Variants in TUSC3 observed in about 807,000 individuals in gnomAD.
The protein encoded by TUSC3 is dolichyl-diphosphooligosaccharide--protein glycosyltransferase subunit TUSC3.
TUSC3 carries 45 observed loss-of-function variants against 44.8 expected under a neutral mutation model. The observed-to-expected ratio is 1.00, with a 90% CI of 0.79 to 1.29. The LOEUF is 1.29. Ranked by LOEUF, TUSC3 falls within the 50% of genes most tolerant of loss-of-function variation. The pLI, the probability that TUSC3 is intolerant of heterozygous loss-of-function variation, is 0.00. For synonymous variants in TUSC3, 212 were observed against 152.9 expected (o/e 1.39, Z -2.85); for missense variants, 519 against 437.9 (o/e 1.19, Z -1.65).
At chr8:15,780,317 A>G in the TUSC3 span, among the ~76,000 whole-genome samples, 994 of 152,262 alleles carry the variant, frequency 6.5e-3, 9 homozygotes, top group African/African-American at 0.023. Flanking sequence ...CCTAACATAC[A>G]GCTGTTCCCT....
At chr8:15,496,242 C>G (rs997295443) in intron 2 of TUSC3, among the ~76,000 whole-genome samples, 1 of 152,186 alleles carries the variant, frequency 6.6e-6, no homozygotes, top group African/African-American at 2.4e-5. Flanking sequence ...TCCATTCCAG[C>G]ATATTCATTT....
At chr8:15,440,307 A>T (rs1800003991) in intron 1 of TUSC3, among the ~76,000 whole-genome samples, 1 of 152,136 alleles carries the variant, frequency 6.6e-6, no homozygotes, top group Non-Finnish European at 1.5e-5. Context: ...CAACAAATAA[A>T]GCCAATATGG....
chr8:15,432,703 C>A (rs1032478917), intron 1 of TUSC3, among the ~76,000 whole-genome samples: 2 of 152,060 alleles, frequency 1.3e-5, no homozygotes, highest in Non-Finnish European at 2.9e-5. Context: ...TGAGTATGCA[C>A]CTCCGAACTG....
chr8:15,606,513 T>A (rs1336154231), intron 1 of TUSC3, among the ~76,000 whole-genome samples: 1 of 152,032 alleles, frequency 6.6e-6, no homozygotes, highest in Non-Finnish European at 1.5e-5. Flanking sequence ...ATATTTAGCA[T>A]GTATGTAAAA....
chr8:15,698,446 T>C (rs189618606), intron 6 of TUSC3, among the ~76,000 whole-genome samples: 2 of 152,184 alleles, frequency 1.3e-5, no homozygotes, highest in African/African-American at 4.8e-5. Flanking sequence ...ACTTACTAAA[T>C]CCTTAAGTTA....
chr8:15,508,815 C>G (rs1399754016), intron 2 of TUSC3, among the ~76,000 whole-genome samples: 2 of 152,120 alleles, frequency 1.3e-5, no homozygotes, highest in Non-Finnish European at 2.9e-5. Context: ...ATAAAGATAA[C>G]AAAAACCAAA....
intron 2 of TUSC3, among the ~76,000 whole-genome samples, chr8:15,534,505 T>G (rs1432150542): frequency 2.6e-5 from 4 of 151,754 alleles, no homozygotes; most frequent in Non-Finnish European, 4.4e-5. Flanking sequence ...TAGCCGGGCT[T>G]GGTGGTGGGC....
chr8:15,643,491 A>G (rs1347422596), intron 2 of TUSC3, among the ~76,000 whole-genome samples: 6 of 152,014 alleles, frequency 3.9e-5, no homozygotes. Flanking sequence ...ATACACTTCA[A>G]CATATTTTAT....
intron 2 of TUSC3, among the ~76,000 whole-genome samples, chr8:15,510,334 T>C (rs868179066): frequency 1.3e-4 from 20 of 151,994 alleles, no homozygotes; most frequent in South Asian, 6.2e-4. Flanking sequence ...ATCAATACAA[T>C]TGATAAAGTT....
the TUSC3 span, among the ~76,000 whole-genome samples, chr8:15,822,012 G>A: frequency 1.3e-5 from 2 of 152,134 alleles, no homozygotes; most frequent in Non-Finnish European, 2.9e-5. Flanking sequence ...GTAGCACTGC[G>A]AGTAATAAGA....
At chr8:15,447,936 T>C (rs568304079) in intron 1 of TUSC3, among the ~76,000 whole-genome samples, 1 of 151,134 alleles carries the variant, frequency 6.6e-6, no homozygotes, top group East Asian at 1.9e-4. Context: ...GGTAGCTACA[T>C]GTGGGTATGT....
chr8:15,707,813 C>T (rs1809679785), intron 6 of TUSC3, among the ~76,000 whole-genome samples: 2 of 151,936 alleles, frequency 1.3e-5, no homozygotes, highest in South Asian at 2.1e-4. Context: ...TGTTCTCTCA[C>T]AGTTCAGGAG....
the TUSC3 span, among the ~76,000 whole-genome samples, chr8:15,788,250 G>T: frequency 1.2e-4 from 16 of 128,612 alleles, no homozygotes; most frequent in African/African-American, 4.1e-4. Flanking sequence ...CCATTCTTGT[G>T]GGGGAGGTAA....
chr8:15,538,776 CAGTA>C (rs1801573951), upstream of TUSC3, among the ~76,000 whole-genome samples: 1 of 151,968 alleles, frequency 6.6e-6, no homozygotes, highest in Non-Finnish European at 1.5e-5. Flanking sequence ...TTTTCATACT[CAGTA>C]AGTTGTTGCA....
chr8:15,522,430 G>T (rs1369873723), intron 2 of TUSC3, among the ~76,000 whole-genome samples: 1 of 151,810 alleles, frequency 6.6e-6, no homozygotes, highest in Admixed American at 6.6e-5. Flanking sequence ...AAAGGGTTTC[G>T]CCATGTTGGC....
chr8:15,486,775 A>G (rs1351966314), intron 2 of TUSC3, among the ~76,000 whole-genome samples: 1 of 152,122 alleles, frequency 6.6e-6, no homozygotes, highest in East Asian at 1.9e-4. Context: ...GTAAGCCTAT[A>G]TTTTCCTTTT....
intron 2 of TUSC3, among the ~76,000 whole-genome samples, chr8:15,498,723 C>G (rs553994334): frequency 6.6e-6 from 1 of 152,232 alleles, no homozygotes; most frequent in Admixed American, 6.5e-5. Context: ...CGAATGCATT[C>G]CAGTTTTGTT....
intron 7 of TUSC3, among the ~76,000 whole-genome samples, chr8:15,740,526 A>G (rs897562358): frequency 6.6e-6 from 1 of 152,058 alleles, no homozygotes; most frequent in Non-Finnish European, 1.5e-5. Context: ...AGGAAAAAAA[A>G]AGAACAAGCA....
intron 7 of TUSC3, among the ~76,000 whole-genome samples, chr8:15,734,841 T>C (rs1478597527): frequency 1.3e-5 from 2 of 152,166 alleles, no homozygotes; most frequent in Non-Finnish European, 2.9e-5. Context: ...AAATATTCTT[T>C]ATTGCAGGAA....
Sources: allele counts gnomAD v4.1 joint callset (sites outside exome capture counted in the v4.1 genomes callset), GRCh38; gene constraint gnomAD v4.1.1; transcripts MANE v1.5; gene names NCBI Gene and HGNC (gene_info 2026-07-23, HGNC 2026-07-21).